The following CLASRP variants were observed in gnomAD, a reference collection of about 807,000 sequenced individuals.
The protein encoded by CLASRP is CLK4-associating serine/arginine rich protein.
In CLASRP, 52 loss-of-function variants were observed where a neutral mutation model predicts 99.9. The observed-to-expected ratio is 0.52, with a 90% CI of 0.42 to 0.66. The LOEUF (loss-of-function observed/expected upper bound fraction) is 0.66. CLASRP is among the 30% of genes least tolerant of loss of function. CLASRP has a pLI of 0.00. For synonymous variants in CLASRP, 379 were observed against 373.0 expected (o/e 1.02, Z -0.18); for missense variants, 848 against 999.2 (o/e 0.85, Z 2.04).
intron 13 of CLASRP, among the ~76,000 whole-genome samples, chr19:45,066,569 G>C (rs1464440472): frequency 7.1e-6 from 1 of 140,946 alleles, no homozygotes; most frequent in East Asian, 2.1e-4. Context: ...GTTGCAGTGA[G>C]CCCAGCTATT....
In CLASRP at chr19:45,064,543, G is replaced by A. The variant is rs1256501343; in HGVS notation, c.1322G>A (p.Arg441Gln). The A allele has an allele frequency of 2.0e-6, 3 of 1,538,420 alleles. No homozygotes were observed. The highest frequency in any genetic ancestry group is 2.4e-5 in the East Asian group (1 of 40,902). ...RYSRSRSRGR[R>Q]HSGGGSRDGH... is the part of the protein sequence containing the mutation. Reference sequence around the variant, plus strand: ...TCCCGGTCCCGTAGCCGTGGCCGGCGGCACTCAGGTGGGGGCTCCCGAGAC... The same window carrying A: ...TCCCGGTCCCGTAGCCGTGGCCGGCAGCACTCAGGTGGGGGCTCCCGAGAC... The change falls in exon 13 of 21, where the codon CGG (arginine) becomes CAG (glutamine). Residue 441 changes from arginine to glutamine, a missense_variant. Physicochemically the swap from Arg to Gln is conservative, Grantham distance 43 (BLOSUM62 1). This residue lies in a region of CLASRP where 489 missense variants were observed against 434.7 expected (regional missense o/e 1.12). Coordinates refer to ENST00000221455, the MANE Select transcript of CLASRP (RefSeq NM_007056.3).
At chr19:45,041,875 C>T (rs1971820275) in intron 2 of CLASRP, among the ~76,000 whole-genome samples, 1 of 151,836 alleles carries the variant, frequency 6.6e-6, no homozygotes, top group Non-Finnish European at 1.5e-5. Flanking sequence ...CCAAGCGCTC[C>T]CCAGCCACAG....
At chr19:45,052,456 C>A (rs1423644817) in intron 3 of CLASRP, among the ~76,000 whole-genome samples, 1 of 152,164 alleles carries the variant, frequency 6.6e-6, no homozygotes, top group Non-Finnish European at 1.5e-5. Context: ...CAGACCCGAG[C>A]TGGCTCAGGG....
rs768657707 is a variant in CLASRP at position 45,060,494 on chromosome 19, G to A, written c.789+27G>A. 3 of 1,613,752 alleles carry A rather than the reference G, an allele frequency of 1.9e-6. No individual in the cohort carries two copies. The Admixed American group carries it at 5.0e-5, about 27-fold the overall frequency. On this transcript the variant is annotated intron_variant, in intron 9 of 20. Transcript: ENST00000221455. The surrounding 1 kb of genome is among the most constrained non-coding windows in gnomAD (Gnocchi z 4.6). The stretch of plus-strand genomic sequence containing the variant: ...TGAGGTCTGGGCTGGAGTGGAAGGG[G>A]ACAGGGGTGTGTCACAGGGAGGGCA...
rs1050293547 is a variant in CLASRP at position 45,039,059 on chromosome 19, T to C, written c.-79T>C. The C allele has an allele frequency of 2.6e-5, 4 of 152,036 alleles. No individual in the cohort carries two copies. Among genetic ancestry groups the C allele is most frequent in the African/African-American group, 9.7e-5 (4 of 41,406 alleles). The allele number at this position is 152,036 out of a possible 1,614,324, so 9.4% of individuals were successfully genotyped here. ...CCTAGCGCGGCCTTTCATTTCCGCTTCCGGTGCGGGCCGCGCGCGAGCGCA... is the reference window on the plus strand; with the variant it reads ...CCTAGCGCGGCCTTTCATTTCCGCTCCCGGTGCGGGCCGCGCGCGAGCGCA... On this transcript the variant is annotated 5_prime_UTR_variant, in exon 1 of 21. Transcript: ENST00000221455.
At position 45,057,768 on chromosome 19, in the gene CLASRP, T is replaced by A; in HGVS notation, c.483T>A (p.Ala161=). The A allele has an allele frequency of 1.2e-6, 2 of 1,613,986 alleles. No homozygotes were observed. Among genetic ancestry groups the A allele is most frequent in the Non-Finnish European group, 1.7e-6 (2 of 1,179,910 alleles). The change falls in exon 7 of 21, where the codon GCT becomes GCA. Residue 161 remains alanine (A), a synonymous_variant. Coordinates refer to ENST00000221455, the MANE Select transcript of CLASRP (RefSeq NM_007056.3). The part of the protein sequence containing the change: ...DEKKKLAEKK[A]SIGYTYEDST... ...TTCTCAGGCTGGCAGAGAAGAAGGCTTCCATCGGTTATACCTACGAGGACA... is the reference window on the plus strand; with the variant it reads ...TTCTCAGGCTGGCAGAGAAGAAGGCATCCATCGGTTATACCTACGAGGACA...
At chr19:45,063,185 A>C (rs2122590031) in intron 11 of CLASRP, among the ~76,000 whole-genome samples, 1 of 151,676 alleles carries the variant, frequency 6.6e-6, no homozygotes, top group South Asian at 2.1e-4. Flanking sequence ...TTTTTCTTTA[A>C]AATATTGAGA....
chr19:45,044,144 AGCGCTGGGATTATAG>A (rs1971868977), intron 2 of CLASRP, among the ~76,000 whole-genome samples: 1 of 152,208 alleles, frequency 6.6e-6, no homozygotes, highest in South Asian at 2.1e-4. Context: ...GGCTTCCCAA[AGCGCTGGGATTATAG>A]GCGTGAGCCA....
In CLASRP at chr19:45,069,110, G is replaced by A. The variant is rs753116152; in HGVS notation, c.1813G>A (p.Glu605Lys). The change falls in exon 17 of 21, where the codon GAG becomes AAG. Residue 605 changes from glutamate (E) to lysine (K), a missense_variant. Physicochemically the swap from Glu to Lys is moderately conservative, Grantham distance 56 (BLOSUM62 1). Coordinates refer to ENST00000221455, the MANE Select transcript of CLASRP (RefSeq NM_007056.3). ...KAAQEKMIQQ[E>K]HERQEREDEL... ...GGCACAAGAAAAGATGATCCAGCAGGAGCATGAGCGGCAGGTGAAGTGGGA... is the reference window on the plus strand; with the variant it reads ...GGCACAAGAAAAGATGATCCAGCAGAAGCATGAGCGGCAGGTGAAGTGGGA... The A allele has an allele frequency of 1.2e-6, 2 of 1,614,200 alleles. No homozygotes were observed. Among genetic ancestry groups the A allele is most frequent in the Non-Finnish European group, 1.7e-6 (2 of 1,180,038 alleles).
chr19:45,040,131 GC>G, intron 1 of CLASRP, 52 bp from the exon 2 acceptor site: 1 of 950,742 alleles, frequency 1.1e-6, no homozygotes, highest in Non-Finnish European at 1.6e-6. Context: ...CTTTGATTCT[GC>G]CCATACGGGT....
intron 5 of CLASRP, 121 bp from the exon 6 acceptor site, chr19:45,056,329 C>A: frequency 1.3e-6 from 1 of 773,688 alleles, no homozygotes; most frequent in South Asian, 1.5e-5. Context: ...GAAGTGGTGA[C>A]TGCCCCCCAA....
chr19:45,058,493 C>A lies in CLASRP; in HGVS notation c.613+595C>A, dbSNP rs148043541. Among the ~76,000 whole-genome samples the A allele has an allele frequency of 8.9e-3, 1,354 of 152,250 alleles. 6 individuals carry two copies. The highest frequency in any genetic ancestry group is 0.018 in the South Asian group (85 of 4,832). Reference sequence around the variant, plus strand: ...CTCCACCTCCTGGGTTCAAGTGATTCTCCTGCCTCAGCTTCCCAAGTAGCT... The same window carrying A: ...CTCCACCTCCTGGGTTCAAGTGATTATCCTGCCTCAGCTTCCCAAGTAGCT... On this transcript the variant is annotated intron_variant, in intron 7 of 20. Transcript: ENST00000221455.
chr19:45,062,675 C>G (rs1966968437), intron 11 of CLASRP, among the ~76,000 whole-genome samples: 1 of 152,204 alleles, frequency 6.6e-6, no homozygotes, highest in Non-Finnish European at 1.5e-5. Flanking sequence ...GCCACCACGC[C>G]CGGCCAATAA....
intron 2 of CLASRP, among the ~76,000 whole-genome samples, chr19:45,051,728 G>A (rs1972026569): frequency 6.6e-6 from 1 of 152,050 alleles, no homozygotes; most frequent in African/African-American, 2.4e-5. Context: ...CAGCACTTTG[G>A]GAGGCTGAGG....
In CLASRP at chr19:45,064,562, C is replaced by T. The variant is rs1431793449; in HGVS notation, c.1341C>T (p.Ser447=). 6.5e-7 allele frequency: 1 copy of T among 1,539,740 alleles called. No individual in the cohort carries two copies. The highest frequency in any genetic ancestry group is 2.0e-5 in the Admixed American group (1 of 51,080). The part of the protein sequence containing the change: ...SRGRRHSGGG[S]RDGHRYSRSP... ...GCCGGCGGCACTCAGGTGGGGGCTCCCGAGACGGACACCGGTACTCCCGCT... is the reference window on the plus strand; with the variant it reads ...GCCGGCGGCACTCAGGTGGGGGCTCTCGAGACGGACACCGGTACTCCCGCT... Residue 447 remains serine, a synonymous_variant, in exon 13 of 21, where the codon TCC becomes TCT. Transcript: ENST00000221455.
chr19:45,053,287 C>T (rs1972060991), intron 5 of CLASRP, 110 bp downstream of exon 5: 4 of 1,049,402 alleles, frequency 3.8e-6, no homozygotes, highest in Non-Finnish European at 5.8e-6. Flanking sequence ...ACTAAAGGGC[C>T]TTGGGTTCCG....
intron 19 of CLASRP, among the ~76,000 whole-genome samples, chr19:45,070,335 A>G (rs2080417347): frequency 6.6e-6 from 1 of 152,006 alleles, no homozygotes; most frequent in Non-Finnish European, 1.5e-5. Flanking sequence ...TGCTTTAGTC[A>G]CAAGGTGATT....
intron 2 of CLASRP, among the ~76,000 whole-genome samples, chr19:45,050,762 G>A (rs780287578): frequency 6.6e-5 from 10 of 151,956 alleles, no homozygotes; most frequent in Non-Finnish European, 8.8e-5. Flanking sequence ...CCCCAGGCTG[G>A]AGTGCACTGG....
At chr19:45,053,954 C>G (rs1398289418) in intron 5 of CLASRP, among the ~76,000 whole-genome samples, 2 of 152,202 alleles carry the variant, frequency 1.3e-5, no homozygotes, top group Non-Finnish European at 2.9e-5. Context: ...GTATTTTACT[C>G]TGCCCGCACA....
Sources: gnomAD v4.1 joint callset for allele counts (sites outside exome capture counted in the v4.1 genomes callset) on GRCh38, gnomAD v4.1.1 for gene constraint, gnomAD v4.1.1 regional missense constraint, Gnocchi (gnomAD v3.1) non-coding constraint, MANE v1.5 for transcripts, NCBI Gene and HGNC (gene_info 2026-07-23, HGNC 2026-07-21) for gene names.